Variants in NBPF10 observed in about 807,000 individuals in gnomAD.
The protein encoded by NBPF10 is NBPF family member NBPF10.
In NBPF10, 63 loss-of-function variants were observed where a neutral mutation model predicts 77.9. That is an observed-to-expected ratio of 0.81 (90% confidence interval 0.66 to 1.00). The LOEUF (loss-of-function observed/expected upper bound fraction) is 1.00. NBPF10 is among the 50% of genes least tolerant of loss of function. The pLI, the probability that NBPF10 is intolerant of heterozygous loss-of-function variation, is 0.00. For synonymous variants in NBPF10, 146 were observed against 264.5 expected, an observed-to-expected ratio of 0.55 and a Z score of 4.35; for missense variants, 522 against 679.8, an observed-to-expected ratio of 0.77 and a Z score of 2.58.
Position 146,068,827 on chromosome 1 carries a change from C to T in NBPF10, c.10811-4G>A. On this transcript the variant is annotated splice_region_variant and splice_polypyrimidine_tract_variant and intron_variant, in intron 86 of 89. Coordinates refer to ENST00000583866, the Ensembl canonical transcript of NBPF10. ...ACTTCTTGGTACTTTTCAATTTCTG[C>T]AATAAGTTCAGACATGGACAGACAT... is the stretch of plus-strand genomic sequence containing the variant. 1.7e-5 allele frequency: 1 copy of T among 59,186 alleles called. No homozygotes were observed. The allele number at this position is 59,186 out of a possible 1,614,324, so 3.7% of individuals were successfully genotyped here.
Position 146,141,891 on chromosome 1 carries a change from C to T in NBPF10, c.279-73G>A, listed in dbSNP as rs1271129965. 27 of 1,154,886 alleles carry T rather than the reference C, an allele frequency of 2.3e-5. 2 individuals carry two copies. The Admixed American group carries it at 2.4e-4, about 10-fold the overall frequency. The allele number at this position is 1,154,886 out of a possible 1,614,324, so 71.5% of individuals were successfully genotyped here. On this transcript the variant is annotated intron_variant, in intron 2 of 89. Transcript: ENST00000583866. ...ATCCGTTCAAATATTGCAACAGAGA[C>T]TTCTGAGACAATGTCGTCAAGGAGA...
intron 7 of NBPF10, among the ~76,000 whole-genome samples, 171 bp downstream of exon 7, chr1:146,136,182 T>A (rs1226780796): frequency 6.6e-6 from 1 of 151,838 alleles, no homozygotes; most frequent in Non-Finnish European, 1.5e-5. Flanking sequence ...CTGCAACCCA[T>A]ACATTTTTAC....
chr1:146,141,849 G>A (rs782632035), intron 2 of NBPF10, 31 bp from the exon 3 acceptor site: 1 of 1,253,874 alleles, frequency 8.0e-7, no homozygotes, highest in South Asian at 1.3e-5. Context: ...AAATTTAAGA[G>A]TAGAAAGGGT....
chr1:146,128,727 TTTC>T (rs1331054676), intron 11 of NBPF10, among the ~76,000 whole-genome samples: 1 of 149,544 alleles, frequency 6.7e-6, no homozygotes, highest in Non-Finnish European at 1.5e-5. Context: ...ACTTTTTCAA[TTTC>T]TTTTCTTGCA....
Position 146,119,852 on chromosome 1 carries a change from G to A in NBPF10, c.2983+104C>T. On this transcript the variant is annotated intron_variant, in intron 22 of 89. Coordinates refer to ENST00000583866, the Ensembl canonical transcript of NBPF10. ...ATATGCGCCCATAGGTCCTGCCTGC[G>A]GCAATGACGTCTCTCGGGTCAGTAA... 5.5e-5 allele frequency: 2 copies of A among 36,466 alleles called. 1 individual carries two copies. The highest frequency in any genetic ancestry group is 1.1e-4 in the Non-Finnish European group (2 of 18,866). 2.3% of individuals were successfully genotyped at this position (36,466 alleles called of 1,614,324 possible).
In NBPF10 at chr1:146,069,557, GC is replaced by G; in HGVS notation, c.10795del (p.Ala3599LeufsTer57). 1 of 1,088,132 alleles carries G rather than the reference GC, an allele frequency of 9.2e-7. No individual in the cohort carries two copies. Among genetic ancestry groups the G allele is most frequent in the Non-Finnish European group, 1.3e-6 (1 of 756,954 alleles). The allele number at this position is 1,088,132 out of a possible 1,614,324, so 67.4% of individuals were successfully genotyped here. ...AAGGTACTCACCATCCATGTCAACAGCCAAGCCAACACGCTGTTGCTCCAAT... is the reference window on the plus strand; with the variant it reads ...AAGGTACTCACCATCCATGTCAACAGCAAGCCAACACGCTGTTGCTCCAAT... On this transcript the variant is annotated frameshift_variant, in exon 86 of 90. Coordinates refer to ENST00000583866, the Ensembl canonical transcript of NBPF10. LOFTEE classifies it high-confidence loss of function.
rs1309238803 is a variant in NBPF10 at position 146,124,613 on chromosome 1, G to A, written c.2251+75C>T. 7 of 62,696 alleles carry A rather than the reference G, an allele frequency of 1.1e-4. 1 individual carries two copies. The Admixed American group carries it at 2.4e-3, about 22-fold the overall frequency. The allele number at this position is 62,696 out of a possible 1,614,324, so 3.9% of individuals were successfully genotyped here. On this transcript the variant is annotated intron_variant, in intron 16 of 89. Transcript: ENST00000583866. ...ATGACGTCTCTCGGGTCAGTAAGGG[G>A]CACTTGGAACAGGAATATCACCCCT...
intron 59 of NBPF10, among the ~76,000 whole-genome samples, 197 bp from the exon 60 acceptor site, chr1:146,090,431 GACAC>G (rs1360095126): frequency 9.1e-5 from 1 of 10,948 alleles, no homozygotes; most frequent in Non-Finnish European, 1.7e-4. Context: ...AAGACAGATA[GACAC>G]ACACACACAC....
intron 17 of NBPF10, among the ~76,000 whole-genome samples, 195 bp downstream of exon 17, chr1:146,123,732 G>T (rs1553788973): frequency 1.9e-5 from 1 of 52,390 alleles, no homozygotes; most frequent in African/African-American, 1.2e-4. Flanking sequence ...CCTACAGTAG[G>T]TTAGTAAATG....
At chr1:146,136,108 T>C (rs1230958287) in intron 7 of NBPF10, among the ~76,000 whole-genome samples, 2 of 150,256 alleles carry the variant, frequency 1.3e-5, no homozygotes, top group African/African-American at 4.9e-5. Flanking sequence ...TAATTTTGTG[T>C]TATGTAAATT....
intron 12 of NBPF10, among the ~76,000 whole-genome samples, chr1:146,127,460 CAG>C (rs1197047899): frequency 5.1e-5 from 1 of 19,432 alleles, no homozygotes; most frequent in Non-Finnish European, 9.2e-5. Context: ...ATTGTGGACA[CAG>C]AGATTTGATG....
chr1:146,067,900 G>A, intron 88 of NBPF10, 103 bp downstream of exon 88: 2 of 702,664 alleles, frequency 2.8e-6, no homozygotes, highest in South Asian at 1.5e-5. Flanking sequence ...CCTGCCTGCG[G>A]CAATGACGTC....
chr1:146,126,092 G>C (rs1172271512), intron 14 of NBPF10, 144 bp downstream of exon 14: 1 of 648,352 alleles, frequency 1.5e-6, no homozygotes, highest in Non-Finnish European at 2.8e-6. Context: ...AGTGGAACTA[G>C]AGTTTCATTC....
At chr1:146,126,307 G>A in exon 14 of NBPF10, 5 of 1,520,548 alleles carry the variant, frequency 3.3e-6, no homozygotes, top group Non-Finnish European at 2.7e-6. Context: ...GGGCTGGCAT[G>A]AGTCAGTCAG....
In NBPF10 at chr1:146,125,061, A is replaced by G. The variant is rs1157182864; in HGVS notation, c.2079-201T>C. ...ATGAAAGAGAAAGACAGGGAGAGGG[A>G]GAGAGAGAGAGAGAGAGAGAGGAGA... On this transcript the variant is annotated intron_variant, in intron 15 of 89. Coordinates refer to ENST00000583866, the Ensembl canonical transcript of NBPF10. Among the ~76,000 whole-genome samples, 20 of 72,114 alleles carry G rather than the reference A, an allele frequency of 2.8e-4. 2 individuals are homozygous for G. Among genetic ancestry groups the G allele is most frequent in the Non-Finnish European group, 5.2e-4 (20 of 38,140 alleles). The allele number at this position is 72,114 out of a possible 152,430, so 47.3% of individuals were successfully genotyped here. A position where few individuals can be genotyped will look rare whatever the true frequency, so the allele number is the denominator to read the frequency against.
chr1:146,125,740 C>G (rs1343321697), intron 14 of NBPF10, among the ~76,000 whole-genome samples: 7 of 135,668 alleles, frequency 5.2e-5, no homozygotes, highest in East Asian at 2.1e-4. Context: ...GATCGTTATC[C>G]AAATATCATT....
At chr1:146,143,416 G>A (rs1660499489) in intron 1 of NBPF10, among the ~76,000 whole-genome samples, 1 of 150,540 alleles carries the variant, frequency 6.6e-6, no homozygotes, top group African/African-American at 2.4e-5. Flanking sequence ...TCAGAATGAA[G>A]AACTAATAGA....
chr1:146,126,584 A>T (rs1437437528), intron 13 of NBPF10, among the ~76,000 whole-genome samples, 176 bp from the exon 14 acceptor site: 1 of 127,076 alleles, frequency 7.9e-6, no homozygotes, highest in East Asian at 2.3e-4. Context: ...GTAGAAAAGG[A>T]TGAACGAGAA....
At position 146,136,751 on chromosome 1, in the gene NBPF10, C is replaced by T. The variant is rs587624047; in HGVS notation, c.989-296G>A. Reference sequence around the variant, plus strand: ...AGTCCCTGAGGTCTGACTCTGAATGCGGGGCCACTTTCCCAAGCCTTGCAG... The same window carrying T: ...AGTCCCTGAGGTCTGACTCTGAATGTGGGGCCACTTTCCCAAGCCTTGCAG... On this transcript the variant is annotated intron_variant, in intron 6 of 89. Transcript: ENST00000583866. 5.0e-4 allele frequency among the ~76,000 whole-genome samples: 73 copies of T among 145,228 alleles called. No individual in the cohort carries two copies. In the East Asian group the frequency reaches 0.013, roughly 27 times the overall value.
Sources: allele counts gnomAD v4.1 joint callset (sites outside exome capture counted in the v4.1 genomes callset), GRCh38; gene constraint gnomAD v4.1.1; transcripts MANE v1.5; gene names NCBI Gene and HGNC (gene_info 2026-07-23, HGNC 2026-07-21).